The following CGNL1 variants were observed in gnomAD, a reference collection of about 807,000 sequenced individuals.
CGNL1 encodes cingulin like 1, also known as cingulin-like protein 1.
In CGNL1, 132 loss-of-function variants were observed where a neutral mutation model predicts 141.2. The observed-to-expected ratio is 0.93, with a 90% confidence interval of 0.81 to 1.08. The LOEUF is 1.08. CGNL1 is among the 50% of genes least tolerant of loss of function. The probability of loss-of-function intolerance (pLI) is 0.00; values close to 1 mark genes in which losing one functional copy is unlikely to be tolerated. For missense variants in CGNL1, 1,870 were observed against 1,588.6 expected (o/e 1.18, Z -3.01); for synonymous variants, 690 against 622.1 (o/e 1.11, Z -1.63).
chr15:57,460,880 G>A (rs904013306), intron 7 of CGNL1, among the ~76,000 whole-genome samples: 10 of 152,182 alleles, frequency 6.6e-5, no homozygotes, highest in Non-Finnish European at 1.5e-4. Flanking sequence ...TGCGTTCTCT[G>A]TGGAGGGACT....
intron 8 of CGNL1, among the ~76,000 whole-genome samples, chr15:57,494,620 C>T (rs1418056354): frequency 1.3e-5 from 2 of 152,164 alleles, no homozygotes; most frequent in African/African-American, 4.8e-5. Context: ...TCTGTTCTTT[C>T]TGTTTGGGGC....
intron 8 of CGNL1, among the ~76,000 whole-genome samples, chr15:57,512,734 T>C (rs1383910721): frequency 3.9e-5 from 6 of 152,182 alleles, no homozygotes; most frequent in Non-Finnish European, 7.4e-5. Flanking sequence ...TGGTTTTCAG[T>C]ATCCTCATTC....
intron 14 of CGNL1, among the ~76,000 whole-genome samples, chr15:57,539,899 A>G (rs1264108720): frequency 3.9e-5 from 6 of 152,214 alleles, no homozygotes; most frequent in Non-Finnish European, 1.5e-5. Context: ...CTAAGCACAG[A>G]TGGGGATGTT....
In CGNL1 at chr15:57,493,001, C is replaced by T. The variant is rs570684428; in HGVS notation, c.2404-23779C>T. Among the ~76,000 whole-genome samples, 4 of 152,172 alleles carry T rather than the reference C, an allele frequency of 2.6e-5. No homozygotes were observed. The South Asian group carries it at 6.2e-4, about 24-fold the overall frequency. On this transcript the variant is annotated intron_variant, in intron 8 of 18. Transcript: ENST00000281282. ...ATGAGATAACATCTGTCCTTCTGCA[C>T]GTGGGATAAGGGGACGAGTCTAGCT...
At chr15:57,513,838 C>T (rs898694536) in intron 8 of CGNL1, among the ~76,000 whole-genome samples, 4 of 152,238 alleles carry the variant, frequency 2.6e-5, no homozygotes, top group African/African-American at 4.8e-5. Context: ...TTTTATTTCT[C>T]TTAGCTATAT....
At chr15:57,413,206 T>TCTCTCTTCCTCTCTTCCTCTCTTC (rs200597464) in intron 1 of CGNL1, among the ~76,000 whole-genome samples, 7 of 128,250 alleles carry the variant, frequency 5.5e-5, no homozygotes, top group African/African-American at 2.2e-4. Flanking sequence ...TTTCTCTCTT[T>TCTCTCTTCCTCTCTTCCTCTCTTC]CTCTCTTCCT....
intron 13 of CGNL1, among the ~76,000 whole-genome samples, chr15:57,530,578 T>C (rs1395601681): frequency 2.0e-5 from 3 of 152,218 alleles, no homozygotes; most frequent in Non-Finnish European, 4.4e-5. Flanking sequence ...TCCTGAGTGA[T>C]GTCTGACTAT....
At chr15:57,517,275 G>C (rs2030891341) in intron 9 of CGNL1, among the ~76,000 whole-genome samples, 1 of 152,180 alleles carries the variant, frequency 6.6e-6, no homozygotes, top group African/African-American at 2.4e-5. Context: ...CTTCACACAG[G>C]CATCCACCTG....
At chr15:57,466,343 C>G (rs1223068575) in intron 8 of CGNL1, among the ~76,000 whole-genome samples, 1 of 152,172 alleles carries the variant, frequency 6.6e-6, no homozygotes, top group East Asian at 1.9e-4. Context: ...TGACTGCCAT[C>G]TGGGAGTAAA....
chr15:57,487,142 G>C (rs985110571), intron 8 of CGNL1, among the ~76,000 whole-genome samples: 3 of 152,120 alleles, frequency 2.0e-5, no homozygotes, highest in African/African-American at 7.2e-5. Flanking sequence ...ACTAGGAGTA[G>C]ACAGTTTATT....
At chr15:57,465,802 C>T (rs971570752) in intron 8 of CGNL1, among the ~76,000 whole-genome samples, 6 of 152,124 alleles carry the variant, frequency 3.9e-5, no homozygotes, top group Non-Finnish European at 8.8e-5. Flanking sequence ...GCTATTTTAT[C>T]GTTGTAAAAT....
rs770113443 is a variant in CGNL1, at chr15:57,438,759, G to T, written c.760G>T (p.Gly254Trp). The T allele has an allele frequency of 8.7e-6, 14 of 1,613,952 alleles. No individual in the cohort carries two copies. The highest frequency in any genetic ancestry group is 1.2e-5 in the Non-Finnish European group (14 of 1,180,026). ...RVGEEALFTSGRPLTAHSPHA... is the reference protein window; with the variant it reads ...RVGEEALFTSWRPLTAHSPHA... ...GGGAGAGGAGGCCCTTTTCACTAGC[G>T]GGAGGCCCCTGACTGCCCACAGCCC... The change falls in exon 2 of 19, where the codon GGG becomes TGG. Residue 254 changes from glycine (G) to tryptophan (W), a missense_variant. Physicochemically the swap from Gly to Trp is radical, Grantham distance 184. Transcript: ENST00000281282.
At position 57,516,916 on chromosome 15, in the gene CGNL1, A is replaced by G; in HGVS notation, c.2540A>G (p.Gln847Arg). 1.2e-6 allele frequency: 2 copies of G among 1,613,640 alleles called. No homozygotes were observed. The highest frequency in any genetic ancestry group is 1.1e-5 in the South Asian group (1 of 91,074). ...RSEELERRVA[Q>R]LQRQIEDLKG... ...GAAGAGCTGGAGCGGAGAGTTGCTC[A>G]GCTTCAAAGGCAGATCGAGGACCTG... is the stretch of plus-strand genomic sequence containing the variant. The change falls in exon 9 of 19, where the codon CAG (glutamine) becomes CGG (arginine). Residue 847 changes from glutamine to arginine, a missense_variant. Coordinates refer to ENST00000281282, the MANE Select transcript of CGNL1 (RefSeq NM_032866.5).
At chr15:57,546,343 C>G in intron 18 of CGNL1, 104 bp downstream of exon 18, 1 of 1,342,872 alleles carries the variant, frequency 7.4e-7, no homozygotes, top group Non-Finnish European at 1.0e-6. Context: ...GCCAGCTCCT[C>G]ATTGTTGCTT....
At chr15:57,395,774 A>G (rs1214172431) in intron 1 of CGNL1, among the ~76,000 whole-genome samples, 2 of 152,242 alleles carry the variant, frequency 1.3e-5, no homozygotes, top group African/African-American at 4.8e-5. Context: ...TTCATTTTCA[A>G]ATGTAGAAAC....
At chr15:57,519,550 G>A (rs2031098964) in intron 10 of CGNL1, among the ~76,000 whole-genome samples, 1 of 152,196 alleles carries the variant, frequency 6.6e-6, no homozygotes, top group Admixed American at 6.5e-5. Flanking sequence ...TTTGCGTATA[G>A]TAAAGTCCCA....
rs142856694 is a variant in CGNL1, at chr15:57,517,585, T to A, written c.2610+599T>A. 3.0e-4 allele frequency among the ~76,000 whole-genome samples: 46 copies of A among 152,298 alleles called. No homozygotes were observed. In the East Asian group the frequency reaches 6.8e-3, roughly 22 times the overall value. ...AAAATAGAAATGTATTTCTCACAGT[T>A]CTGGAGGCTGAGAAGTCTAATATTA... On this transcript the variant is annotated intron_variant, in intron 9 of 18. Transcript: ENST00000281282.
chr15:57,381,542 C>T (rs1482574870), intron 1 of CGNL1, among the ~76,000 whole-genome samples: 1 of 152,128 alleles, frequency 6.6e-6, no homozygotes, highest in East Asian at 1.9e-4. Context: ...GCCTGAGTCA[C>T]AGAGTGAGAC....
Position 57,453,747 on chromosome 15 carries a change from CTCTCAGA to C in CGNL1, c.2120_2126del (p.Leu707GlnfsTer20), listed in dbSNP as rs774588975. 6.2e-7 allele frequency: 1 copy of C among 1,614,010 alleles called. No individual in the cohort carries two copies. The highest frequency in any genetic ancestry group is 8.5e-7 in the Non-Finnish European group (1 of 1,179,942). On this transcript the variant is annotated frameshift_variant, in exon 7 of 19. Coordinates refer to ENST00000281282, the MANE Select transcript of CGNL1 (RefSeq NM_032866.5). LOFTEE classifies it high-confidence loss of function. ...TGAGATCAGGGATCTCCAGGACCAG[CTCTCAGA>C]AATGCACGATGAACTGGACAGTGCA...
Sources: allele counts gnomAD v4.1 joint callset (sites outside exome capture counted in the v4.1 genomes callset), GRCh38; gene constraint gnomAD v4.1.1; transcripts MANE v1.5; gene names NCBI Gene and HGNC (gene_info 2026-07-23, HGNC 2026-07-21).